Variants in JADE2 observed in about 807,000 individuals in gnomAD.
JADE2 encodes the protein jade family PHD finger 2.
In JADE2, 13 loss-of-function variants were observed where a neutral mutation model predicts 85.7. The ratio of observed to expected loss-of-function variants is 0.15; its 90% CI spans 0.10 to 0.24. The LOEUF (loss-of-function observed/expected upper bound fraction) is 0.24. Among genes scored for constraint, JADE2 ranks in the 10% least tolerant of loss-of-function variants. The probability of loss-of-function intolerance (pLI) is 1.00; values close to 1 mark genes in which losing one functional copy is unlikely to be tolerated. For missense variants in JADE2, 846 were observed against 1,115.9 expected (o/e 0.76, Z 3.45); for synonymous variants, 440 against 456.1 (o/e 0.96, Z 0.45).
At chr5:134,529,596 C>T (rs182786833) in intron 1 of JADE2, among the ~76,000 whole-genome samples, 161 of 152,298 alleles carry the variant, frequency 1.1e-3, no homozygotes, top group Middle Eastern at 6.8e-3. Context: ...AAGACTAAGC[C>T]CAAAGCAGGC....
At chr5:134,546,154 TTTTGTTTGTTTG>T (rs35088130) in intron 3 of JADE2, among the ~76,000 whole-genome samples, 22,593 of 151,644 alleles carry the variant, frequency 0.15, 1,917 homozygotes, top group African/African-American at 0.22. Flanking sequence ...TTTTTTGTTT[TTTTGTTTGTTTG>T]TTTGTTTGTT....
At chr5:134,538,597 C>T (rs1761749538) in intron 3 of JADE2, among the ~76,000 whole-genome samples, 1 of 152,094 alleles carries the variant, frequency 6.6e-6, no homozygotes, top group South Asian at 2.1e-4. Flanking sequence ...TTACTTTGAC[C>T]TGGGATGTTT....
chr5:134,557,101 CAG>C (rs1389970253), intron 4 of JADE2, among the ~76,000 whole-genome samples: 1 of 148,230 alleles, frequency 6.7e-6, no homozygotes, highest in East Asian at 2.0e-4. Context: ...CACACACACA[CAG>C]TGATTACTGT....
intron 4 of JADE2, among the ~76,000 whole-genome samples, chr5:134,557,003 G>GCACA (rs1193362318): frequency 9.7e-6 from 1 of 102,958 alleles, no homozygotes; most frequent in Non-Finnish European, 1.9e-5. Context: ...CATACCACAT[G>GCACA]CACACACACA....
Position 134,562,294 on chromosome 5 carries a change from G to A in JADE2, c.779G>A (p.Arg260Gln), listed in dbSNP as rs775232480. Reference protein sequence around the residue: ...VQPKCLLCPKRGGALKPTRSG... With the variant: ...VQPKCLLCPKQGGALKPTRSG... ...CCAAAGTGCCTGCTCTGCCCCAAGC[G>A]AGGAGGAGCCTTGAAGCCCACTAGA... The change falls in exon 7 of 12, where the codon CGA (arginine) becomes CAA (glutamine). Residue 260 changes from arginine to glutamine, a missense_variant. This residue lies in a region of JADE2 where 129 missense variants were observed against 255.4 expected (regional missense o/e 0.51). Transcript: ENST00000681547. This position sits in a 1 kb window ranked among gnomAD's most constrained non-coding sequence, Gnocchi z 4.6. 9 of 1,614,134 alleles carry A rather than the reference G, an allele frequency of 5.6e-6. No homozygotes were observed. The highest frequency in any genetic ancestry group is 5.9e-6 in the Non-Finnish European group (7 of 1,180,018).
rs951414231 is a variant in JADE2 at position 134,538,003 on chromosome 5, A to G, written c.73A>G (p.Thr25Ala). Reference protein sequence around the residue: ...SDTTDSHATSTSASRCSKLPS... With the variant: ...SDTTDSHATSASASRCSKLPS... ...TCTCTCTGCAGGTCATGCGACATCTACATCCGCATCAAGATGCTCCAAACT... is the reference window on the plus strand; with the variant it reads ...TCTCTCTGCAGGTCATGCGACATCTGCATCCGCATCAAGATGCTCCAAACT... Residue 25 changes from threonine (T) to alanine (A), a missense_variant, in exon 3 of 12, where the codon ACA (threonine) becomes GCA (alanine). By Grantham distance (58) the Thr-to-Ala change is moderately conservative (BLOSUM62 0). Coordinates refer to ENST00000681547, the MANE Select transcript of JADE2 (RefSeq NM_001388185.1). 2 of 1,613,918 alleles carry G rather than the reference A, an allele frequency of 1.2e-6. No homozygotes were observed. Among genetic ancestry groups the G allele is most frequent in the African/African-American group, 1.3e-5 (1 of 74,918 alleles).
chr5:134,543,957 C>T (rs1762135502), intron 3 of JADE2, among the ~76,000 whole-genome samples: 1 of 152,216 alleles, frequency 6.6e-6, no homozygotes, highest in African/African-American at 2.4e-5. Flanking sequence ...TTTTGCCCCA[C>T]CCCGGACTTG....
chr5:134,564,443 G>C, intron 7 of JADE2, 51 bp from the exon 8 acceptor site: 1 of 1,287,680 alleles, frequency 7.8e-7, no homozygotes, highest in Non-Finnish European at 1.1e-6. Flanking sequence ...GAGATCCCTG[G>C]AGGCAGGCTG....
intron 9 of JADE2, among the ~76,000 whole-genome samples, chr5:134,567,599 C>CCAGGGCAGGAA (rs1581468769): frequency 6.6e-6 from 1 of 152,140 alleles, no homozygotes; most frequent in East Asian, 1.9e-4. Flanking sequence ...TGGGCAGGAG[C>CCAGGGCAGGAA]ATGCAGGGAA....
intron 6 of JADE2, among the ~76,000 whole-genome samples, chr5:134,561,536 A>C (rs1763322166): frequency 7.5e-6 from 1 of 134,072 alleles, no homozygotes; most frequent in South Asian, 2.3e-4. Context: ...TTTGGGGCCC[A>C]AGGCTCTAGG....
At chr5:134,577,113 T>A in intron 11 of JADE2, 1 of 530,824 alleles carries the variant, frequency 1.9e-6, no homozygotes. Context: ...GCCCCGTCTG[T>A]AGACCTGGAT....
At chr5:134,533,486 A>T in intron 1 of JADE2, 1 of 972,978 alleles carries the variant, frequency 1.0e-6, no homozygotes, top group Non-Finnish European at 1.2e-6. Flanking sequence ...GAACCCATCA[A>T]CAACTTCTGC....
chr5:134,574,352 G>A lies in JADE2; in HGVS notation c.1552+590G>A, dbSNP rs115637265. 1,179 of 172,202 alleles carry A rather than the reference G, an allele frequency of 6.8e-3. 20 individuals carry two copies. The highest frequency in any genetic ancestry group is 0.026 in the African/African-American group (1,103 of 41,678). The allele number at this position is 172,202 out of a possible 1,614,324, so 10.7% of individuals were successfully genotyped here. A position where few individuals can be genotyped will look rare whatever the true frequency, so the allele number is the denominator to read the frequency against. ...GCTGAAGGAAGCGCTGACATTGATCGTATCTGTTAATTGTGGATATTGCCA... is the reference window on the plus strand; with the variant it reads ...GCTGAAGGAAGCGCTGACATTGATCATATCTGTTAATTGTGGATATTGCCA... On this transcript the variant is annotated intron_variant, in intron 10 of 11. Transcript: ENST00000681547.
chr5:134,562,051 T>G lies in JADE2; in HGVS notation c.685-149T>G. 2 of 732,428 alleles carry G rather than the reference T, an allele frequency of 2.7e-6. No individual in the cohort carries two copies. Among genetic ancestry groups the G allele is most frequent in the Non-Finnish European group, 4.2e-6 (2 of 475,302 alleles). 45.4% of individuals were successfully genotyped at this position (732,428 alleles called of 1,614,324 possible). On this transcript the variant is annotated intron_variant, in intron 6 of 11. Transcript: ENST00000681547. This position sits in a 1 kb window ranked among gnomAD's most constrained non-coding sequence, Gnocchi z 4.6. ...AGGAGCCCTTCCTTCCTTCCTTGCA[T>G]TGTAACTCCTCAGAAGTTGTACGTG... is the stretch of plus-strand genomic sequence containing the variant.
chr5:134,539,860 G>GGAGCTGCC lies in JADE2; in HGVS notation c.153+1777_153+1778insGAGCTGCC, dbSNP rs1561731163. ...AGGCTTGCATCTGAAAAAGGACTCCGCCTTGCCTCCTCCAGGAGCTGCCCT... is the reference window on the plus strand; with the variant it reads ...AGGCTTGCATCTGAAAAAGGACTCCGGAGCTGCCCCTTGCCTCCTCCAGGAGCTGCCCT... On this transcript the variant is annotated intron_variant, in intron 3 of 11. Coordinates refer to ENST00000681547, the MANE Select transcript of JADE2 (RefSeq NM_001388185.1). Among the ~76,000 whole-genome samples the GGAGCTGCC allele has an allele frequency of 1.3e-3, 195 of 152,348 alleles. 2 individuals are homozygous for GGAGCTGCC. In the East Asian group the frequency reaches 0.032, roughly 25 times the overall value.
chr5:134,572,221 C>T (rs1306375312), intron 9 of JADE2, among the ~76,000 whole-genome samples: 1 of 152,210 alleles, frequency 6.6e-6, no homozygotes, highest in Non-Finnish European at 1.5e-5. Flanking sequence ...GTGGTACTGG[C>T]CATAGGGATA....
chr5:134,556,976 A>G (rs1412250050), intron 4 of JADE2, among the ~76,000 whole-genome samples: 2 of 148,190 alleles, frequency 1.3e-5, no homozygotes, highest in Admixed American at 6.7e-5. Context: ...CACACATCAC[A>G]CAAAACACAC....
chr5:134,577,137 C>T (rs749842264), intron 11 of JADE2: 16 of 479,716 alleles, frequency 3.3e-5, no homozygotes, highest in Non-Finnish European at 5.5e-5. Context: ...GGCTGGGCCA[C>T]GCCCACTCAG....
rs1165956636 is a variant in JADE2, at chr5:134,578,422, G to A, written c.1682-72G>A. ...GACGATGCCTGGTGGTGTGCTGGGA[G>A]CGTCAGTGGGCTTCCTGAAAGGGTG... is the stretch of plus-strand genomic sequence containing the variant. On this transcript the variant is annotated intron_variant, in intron 11 of 11. Coordinates refer to ENST00000681547, the MANE Select transcript of JADE2 (RefSeq NM_001388185.1). This position sits in a 1 kb window ranked among gnomAD's most constrained non-coding sequence, Gnocchi z 4.4. 3.5e-6 allele frequency: 4 copies of A among 1,128,878 alleles called. No homozygotes were observed. The highest frequency in any genetic ancestry group is 1.5e-5 in the South Asian group (1 of 68,866). 69.9% of individuals were successfully genotyped at this position (1,128,878 alleles called of 1,614,324 possible).
Sources: allele counts gnomAD v4.1 joint callset (sites outside exome capture counted in the v4.1 genomes callset), GRCh38; gene constraint gnomAD v4.1.1; regional missense constraint gnomAD v4.1.1; non-coding constraint Gnocchi (gnomAD v3.1); transcripts MANE v1.5; gene names NCBI Gene and HGNC (gene_info 2026-07-23, HGNC 2026-07-21).